The following CRIM1 variants were observed in gnomAD, a reference collection of about 807,000 sequenced individuals.
The protein encoded by CRIM1 is cysteine-rich motor neuron 1 protein.
A neutral mutation model predicts 116.4 loss-of-function variants in CRIM1; 32 were observed. That is an observed-to-expected ratio of 0.27 (90% CI 0.21 to 0.37). CRIM1 has a LOEUF of 0.37. Ranked by LOEUF, CRIM1 falls within the 10% of genes least tolerant of loss-of-function variation. CRIM1 has a pLI of 1.00. For synonymous variants in CRIM1, 590 were observed against 509.2 expected (o/e 1.16, Z -2.13); for missense variants, 1,331 against 1,354.8 (o/e 0.98, Z 0.28).
At chr2:36,372,002 A>T (rs1669975683) in intron 1 of CRIM1, among the ~76,000 whole-genome samples, 1 of 152,230 alleles carries the variant, frequency 6.6e-6, no homozygotes, top group African/African-American at 2.4e-5. Flanking sequence ...TATGTTGATT[A>T]ATCAGGAGGG....
intron 4 of CRIM1, among the ~76,000 whole-genome samples, chr2:36,450,922 G>C: frequency 6.6e-6 from 1 of 152,196 alleles, no homozygotes; most frequent in South Asian, 2.1e-4. Flanking sequence ...ATGTTTAGAA[G>C]AAGTTTTCTG....
At chr2:36,388,561 G>A (rs1384811306) in intron 1 of CRIM1, among the ~76,000 whole-genome samples, 1 of 152,162 alleles carries the variant, frequency 6.6e-6, no homozygotes, top group African/African-American at 2.4e-5. Flanking sequence ...AGCTTAGAGA[G>A]CTAAATGCCT....
chr2:36,508,924 G>C (rs1463533273), intron 8 of CRIM1, among the ~76,000 whole-genome samples: 1 of 152,046 alleles, frequency 6.6e-6, no homozygotes, highest in Non-Finnish European at 1.5e-5. Flanking sequence ...GGGATACTTT[G>C]AACACTTCAA....
chr2:36,499,075 T>C, intron 7 of CRIM1, 144 bp from the exon 8 acceptor site: 3 of 648,260 alleles, frequency 4.6e-6, no homozygotes, highest in South Asian at 2.0e-5. Context: ...GTTAAAGATA[T>C]TACTGGAGCA....
rs150787701 is a variant in CRIM1 at position 36,367,632 on chromosome 2, T to A, written c.331+11009T>A. 6.6e-5 allele frequency among the ~76,000 whole-genome samples: 10 copies of A among 152,276 alleles called. No individual in the cohort carries two copies. In the East Asian group the frequency reaches 1.9e-3, roughly 29 times the overall value. ...GATAGACAGGAGTCGAATATTACCT[T>A]GTGTTTGCAGAGCCAGGGAAGGAAA... On this transcript the variant is annotated intron_variant, in intron 1 of 16. Transcript: ENST00000280527.
At chr2:36,446,842 GTC>G (rs938247359) in intron 4 of CRIM1, among the ~76,000 whole-genome samples, 1 of 152,192 alleles carries the variant, frequency 6.6e-6, no homozygotes, top group Admixed American at 6.5e-5. Context: ...AAATGGGACT[GTC>G]TGTGAGGTTT....
intron 4 of CRIM1, among the ~76,000 whole-genome samples, chr2:36,458,532 C>T (rs1191007095): frequency 2.0e-5 from 3 of 152,074 alleles, no homozygotes; most frequent in East Asian, 1.9e-4. Context: ...GTTTCTTTTC[C>T]GGCCTTGCTT....
intron 1 of CRIM1, among the ~76,000 whole-genome samples, chr2:36,379,688 G>T (rs545416807): frequency 6.7e-6 from 1 of 148,634 alleles, no homozygotes; most frequent in Non-Finnish European, 1.5e-5. Context: ...TTGAATCCTT[G>T]CTTGAGAGGA....
chr2:36,503,787 C>T (rs1020237796), intron 8 of CRIM1, among the ~76,000 whole-genome samples: 12 of 152,116 alleles, frequency 7.9e-5, no homozygotes, highest in African/African-American at 2.9e-4. Flanking sequence ...TATTTTTCTG[C>T]ATCCCATCAA....
intron 8 of CRIM1, among the ~76,000 whole-genome samples, chr2:36,503,873 T>A (rs1681186651): frequency 6.6e-6 from 1 of 152,088 alleles, no homozygotes; most frequent in Admixed American, 6.6e-5. Flanking sequence ...TTCCATTAGC[T>A]TCTAGATTTT....
intron 1 of CRIM1, among the ~76,000 whole-genome samples, chr2:36,391,364 G>A (rs1016136300): frequency 3.3e-5 from 5 of 151,534 alleles, no homozygotes; most frequent in African/African-American, 9.7e-5. Context: ...TCCTGACCTC[G>A]TGATCCGCCC....
chr2:36,378,529 A>C (rs1670489214), intron 1 of CRIM1: 1 of 365,006 alleles, frequency 2.7e-6, no homozygotes, highest in Non-Finnish European at 5.4e-6. Flanking sequence ...TAAGGCGGTA[A>C]GTCATTTTTT....
At chr2:36,545,719 C>T (rs185458584) in intron 15 of CRIM1, among the ~76,000 whole-genome samples, 1 of 152,302 alleles carries the variant, frequency 6.6e-6, no homozygotes, top group East Asian at 1.9e-4. Flanking sequence ...ACAGACCTCA[C>T]TTGCAGCTTC....
chr2:36,453,204 C>A (rs913387439), intron 4 of CRIM1, among the ~76,000 whole-genome samples: 1 of 152,218 alleles, frequency 6.6e-6, no homozygotes, highest in Non-Finnish European at 1.5e-5. Context: ...ATTTGGTAGA[C>A]ATTTAATTGC....
At position 36,548,513 on chromosome 2, in the gene CRIM1, C is replaced by T; in HGVS notation, c.2935-12C>T. On this transcript the variant is annotated splice_polypyrimidine_tract_variant and intron_variant, in intron 16 of 16. Transcript: ENST00000280527. ...AATTTTTTGTGGTTTTATTCCTCCT[C>T]TCATTAAATAGCCTTCTTCCTTAAA... 5 of 1,540,566 alleles carry T rather than the reference C, an allele frequency of 3.2e-6. No individual in the cohort carries two copies. Among genetic ancestry groups the T allele is most frequent in the Non-Finnish European group, 4.4e-6 (5 of 1,148,398 alleles).
intron 1 of CRIM1, among the ~76,000 whole-genome samples, chr2:36,363,531 C>CCCG (rs1669377701): frequency 9.9e-6 from 1 of 101,354 alleles, no homozygotes; most frequent in Admixed American, 8.8e-5. Context: ...TCGTCGCCGC[C>CCCG]CCCCCCCCCC....
chr2:36,527,152 AAT>A (rs1222703412), intron 13 of CRIM1, among the ~76,000 whole-genome samples: 1 of 150,952 alleles, frequency 6.6e-6, no homozygotes, highest in African/African-American at 2.4e-5. Flanking sequence ...TATTATATAT[AAT>A]ATAAATATTT....
At chr2:36,420,820 G>A (rs959402485) in intron 2 of CRIM1, among the ~76,000 whole-genome samples, 9 of 152,200 alleles carry the variant, frequency 5.9e-5, no homozygotes, top group African/African-American at 1.4e-4. Flanking sequence ...TGGGGAATAC[G>A]TCGTGGGGTT....
At chr2:36,529,525 C>G (rs2125147222) in intron 13 of CRIM1, 2 of 212,068 alleles carry the variant, frequency 9.4e-6, no homozygotes, top group South Asian at 1.7e-4. Context: ...GAATAATGTC[C>G]ATGTACCTGT....
Sources: gnomAD v4.1 joint callset for allele counts (sites outside exome capture counted in the v4.1 genomes callset) on GRCh38, gnomAD v4.1.1 for gene constraint, MANE v1.5 for transcripts, NCBI Gene and HGNC (gene_info 2026-07-23, HGNC 2026-07-21) for gene names.